The following MACROD2 variants were observed in gnomAD, a reference collection of about 807,000 sequenced individuals.
MACROD2 encodes the protein mono-ADP ribosylhydrolase 2.
In MACROD2, 36 loss-of-function variants were observed where a neutral mutation model predicts 70.4. That is an observed-to-expected ratio of 0.51 (90% CI 0.39 to 0.68). MACROD2 has a LOEUF of 0.68. Ranked by LOEUF, MACROD2 falls within the 30% of genes least tolerant of loss-of-function variation. MACROD2 has a pLI of 0.00. For missense variants in MACROD2, 496 were observed against 538.4 expected, an observed-to-expected ratio of 0.92 and a Z score of 0.78; for synonymous variants, 172 against 178.8, an observed-to-expected ratio of 0.96 and a Z score of 0.30.
chr20:15,999,002 A>T (rs1485604002), intron 15 of MACROD2, among the ~76,000 whole-genome samples: 1 of 152,040 alleles, frequency 6.6e-6, no homozygotes, highest in African/African-American at 2.4e-5. Context: ...GAGAGATTAG[A>T]GATTTCAGTC....
At chr20:14,293,855 C>T in intron 3 of MACROD2, among the ~76,000 whole-genome samples, 1 of 151,784 alleles carries the variant, frequency 6.6e-6, no homozygotes, top group Non-Finnish European at 1.5e-5. Flanking sequence ...ACTCACTTTC[C>T]TAGGTAAAAT....
intron 4 of MACROD2, among the ~76,000 whole-genome samples, chr20:14,563,279 GA>G (rs762145371): frequency 1.3e-5 from 2 of 151,420 alleles, no homozygotes; most frequent in South Asian, 2.1e-4. Context: ...AAGTCCAAAA[GA>G]AAAAAAGACA....
Position 15,828,489 on chromosome 20 carries a change from C to A in MACROD2, c.646-34256C>A, listed in dbSNP as rs2064021547. Reference sequence around the variant, plus strand: ...AGGTACAAGGTAACAAATATACTGACATTTGCTCTTGAAGGGAAGAAAATC... The same window carrying A: ...AGGTACAAGGTAACAAATATACTGAAATTTGCTCTTGAAGGGAAGAAAATC... On this transcript the variant is annotated intron_variant, in intron 8 of 17. Transcript: ENST00000684519. Among the ~76,000 whole-genome samples the A allele has an allele frequency of 2.0e-5, 3 of 152,164 alleles. No individual in the cohort carries two copies. In the South Asian group the frequency reaches 6.2e-4, roughly 31 times the overall value.
chr20:15,315,580 C>A (rs1352157152), intron 6 of MACROD2, among the ~76,000 whole-genome samples: 4 of 152,080 alleles, frequency 2.6e-5, no homozygotes, highest in African/African-American at 9.7e-5. Context: ...AACAATCAAC[C>A]AAGAATTCTA....
chr20:15,142,514 A>T (rs904083226), intron 5 of MACROD2, among the ~76,000 whole-genome samples: 1 of 151,750 alleles, frequency 6.6e-6, no homozygotes, highest in Non-Finnish European at 1.5e-5. Context: ...TACTACTTTT[A>T]TTTTTTTATT....
intron 10 of MACROD2, among the ~76,000 whole-genome samples, chr20:15,908,586 C>T (rs1346698018): frequency 7.2e-5 from 11 of 152,226 alleles, no homozygotes; most frequent in Admixed American, 6.5e-4. Flanking sequence ...GATGTAGTCT[C>T]CAAGTCAGGC....
intron 10 of MACROD2, among the ~76,000 whole-genome samples, chr20:15,918,755 G>A (rs6080023): frequency 0.85 from 129,903 of 152,186 alleles, 56,483 homozygotes; most frequent in Non-Finnish European, 0.95. Flanking sequence ...TCTGCCTTAC[G>A]GGTAGTGTGC....
intron 6 of MACROD2, among the ~76,000 whole-genome samples, chr20:15,334,087 A>T (rs776683002): frequency 8.6e-5 from 13 of 151,700 alleles, no homozygotes; most frequent in Non-Finnish European, 1.8e-4. Context: ...ACAGAGGGAC[A>T]CAAGTTCTTT....
intron 5 of MACROD2, among the ~76,000 whole-genome samples, chr20:14,771,677 A>G (rs1182130626): frequency 7.4e-5 from 10 of 135,066 alleles, no homozygotes; most frequent in Admixed American, 1.5e-4. Context: ...ACACATATAT[A>G]TATATATTTA....
intron 8 of MACROD2, among the ~76,000 whole-genome samples, chr20:15,634,672 ATTGGTGGTAGAG>A (rs1465909570): frequency 6.6e-6 from 1 of 152,186 alleles, no homozygotes; most frequent in Non-Finnish European, 1.5e-5. Flanking sequence ...GCCACATTCC[ATTGGTGGTAGAG>A]ATGGCAGCCA....
intron 5 of MACROD2, among the ~76,000 whole-genome samples, chr20:14,715,332 C>A (rs1026357171): frequency 1.3e-5 from 2 of 152,112 alleles, no homozygotes; most frequent in Non-Finnish European, 2.9e-5. Flanking sequence ...AACTACAGTT[C>A]AAGATGAGAT....
intron 8 of MACROD2, among the ~76,000 whole-genome samples, chr20:15,701,616 A>G (rs2050460696): frequency 6.6e-6 from 1 of 152,232 alleles, no homozygotes; most frequent in Non-Finnish European, 1.5e-5. Context: ...AATATCCTTA[A>G]TATAGTTATG....
intron 8 of MACROD2, among the ~76,000 whole-genome samples, chr20:15,624,657 T>TA (rs2049176659): frequency 1.3e-5 from 2 of 152,214 alleles, no homozygotes; most frequent in African/African-American, 2.4e-5. Flanking sequence ...CCAGCCGCTT[T>TA]CTGACAAATA....
chr20:14,999,307 G>A (rs1353619934), intron 5 of MACROD2, among the ~76,000 whole-genome samples: 1 of 152,194 alleles, frequency 6.6e-6, no homozygotes, highest in African/African-American at 2.4e-5. Context: ...AAGACTCAAA[G>A]CTGAACCTAT....
chr20:14,341,154 T>C (rs552545917), intron 3 of MACROD2, among the ~76,000 whole-genome samples: 17 of 152,326 alleles, frequency 1.1e-4, no homozygotes, highest in African/African-American at 4.1e-4. Context: ...ATTCATCATA[T>C]ACATATTTAT....
At chr20:14,638,853 G>T (rs1163979898) in intron 4 of MACROD2, among the ~76,000 whole-genome samples, 6 of 151,964 alleles carry the variant, frequency 3.9e-5, no homozygotes, top group Non-Finnish European at 8.8e-5. Context: ...GGGAGGCTGA[G>T]GCAGGAGAAT....
At position 15,157,847 on chromosome 20, in the gene MACROD2, C is replaced by A. The variant is rs1209116194; in HGVS notation, c.419-72093C>A. ...CTTCAGAAGTAGCCCTCTTTCCCAG[C>A]CATATTTCTCACTGGGCTCTAATCA... On this transcript the variant is annotated intron_variant, in intron 5 of 17. Transcript: ENST00000684519. 2.0e-5 allele frequency among the ~76,000 whole-genome samples: 3 copies of A among 152,134 alleles called. No individual in the cohort carries two copies. In the East Asian group the frequency reaches 5.8e-4, roughly 29 times the overall value.
chr20:14,174,233 A>G (rs1485427741), intron 3 of MACROD2, among the ~76,000 whole-genome samples: 2 of 152,036 alleles, frequency 1.3e-5, no homozygotes, highest in East Asian at 3.9e-4. Flanking sequence ...AGAGTTCCCA[A>G]GGGATTATGT....
chr20:14,383,640 G>C (rs2083444462), intron 3 of MACROD2, among the ~76,000 whole-genome samples: 1 of 152,168 alleles, frequency 6.6e-6, no homozygotes, highest in East Asian at 1.9e-4. Flanking sequence ...TATCATAACA[G>C]TGCATTTAAA....
Sources: gnomAD v4.1 joint callset for allele counts (sites outside exome capture counted in the v4.1 genomes callset) on GRCh38, gnomAD v4.1.1 for gene constraint, MANE v1.5 for transcripts, NCBI Gene and HGNC (gene_info 2026-07-23, HGNC 2026-07-21) for gene names.